MAP4K4: variants seen among roughly 807,000 people sequenced by gnomAD.
MAP4K4 encodes the protein HPK/GCK-like kinase HGK.
In MAP4K4, 38 loss-of-function variants were observed where a neutral mutation model predicts 189.6. That is an observed-to-expected ratio of 0.20 (90% CI 0.15 to 0.26). The LOEUF is 0.26. MAP4K4 is among the 10% of genes least tolerant of loss of function. The pLI is 1.00. For synonymous variants in MAP4K4, 610 were observed against 624.3 expected (o/e 0.98, Z 0.34); for missense variants, 1,054 against 1,726.9 (o/e 0.61, Z 6.91).
chr2:101,733,043 G>A (rs1361072756), intron 2 of MAP4K4, among the ~76,000 whole-genome samples: 4 of 152,272 alleles, frequency 2.6e-5, no homozygotes, highest in Non-Finnish European at 5.9e-5. Context: ...GTCCCAAGAA[G>A]CTTTTCAGGT....
At position 101,888,226 on chromosome 2, in the gene MAP4K4, A is replaced by G. The variant is rs138867132; in HGVS notation, c.3931+289A>G. ...AATATCGGACATGTTTTTGTTGACCACTTTGTAAAGGGAGACAGAGAATTG... is the reference window on the plus strand; with the variant it reads ...AATATCGGACATGTTTTTGTTGACCGCTTTGTAAAGGGAGACAGAGAATTG... On this transcript the variant is annotated intron_variant, in intron 31 of 32. Transcript: ENST00000324219. Among the ~76,000 whole-genome samples the G allele has an allele frequency of 5.8e-4, 88 of 152,294 alleles. No homozygotes were observed. In the Middle Eastern group the frequency reaches 0.01, roughly 18 times the overall value.
At chr2:101,801,757 A>C (rs1018546569) in intron 3 of MAP4K4, among the ~76,000 whole-genome samples, 1 of 152,102 alleles carries the variant, frequency 6.6e-6, no homozygotes, top group Non-Finnish European at 1.5e-5. Flanking sequence ...TGCTGCATTG[A>C]TGTATCACCT....
chr2:101,893,233 C>T (rs1295290054), exon 33 of MAP4K4: 7 of 456,306 alleles, frequency 1.5e-5, no homozygotes, highest in Non-Finnish European at 2.6e-5. Context: ...GACACAGCAG[C>T]TGGTGGTTTT....
At chr2:101,857,951 C>T (rs1043740672) in intron 13 of MAP4K4, among the ~76,000 whole-genome samples, 2 of 152,190 alleles carry the variant, frequency 1.3e-5, no homozygotes, top group Non-Finnish European at 2.9e-5. Flanking sequence ...AAAATGTCTC[C>T]TCGTAGTCCT....
At chr2:101,817,958 T>G (rs1444007898) in intron 3 of MAP4K4, among the ~76,000 whole-genome samples, 2 of 152,198 alleles carry the variant, frequency 1.3e-5, no homozygotes, top group African/African-American at 4.8e-5. Context: ...AGCCTTAATT[T>G]TGTTCTGGAA....
intron 2 of MAP4K4, among the ~76,000 whole-genome samples, chr2:101,704,490 G>A (rs1156907024): frequency 3.6e-5 from 5 of 139,054 alleles, no homozygotes; most frequent in African/African-American, 8.4e-5. Flanking sequence ...AACTCAACTC[G>A]TATTTTGCCT....
chr2:101,715,901 T>C (rs1451860137), intron 2 of MAP4K4, among the ~76,000 whole-genome samples: 1 of 152,168 alleles, frequency 6.6e-6, no homozygotes, highest in Non-Finnish European at 1.5e-5. Flanking sequence ...CCACCTCCTG[T>C]CAGATCAGTG....
exon 16 of MAP4K4, chr2:101,860,931 C>A: frequency 6.2e-7 from 1 of 1,606,070 alleles, no homozygotes; most frequent in Non-Finnish European, 8.5e-7. Context: ...GAGTCTTTTT[C>A]CAATGGCAAC....
intron 2 of MAP4K4, among the ~76,000 whole-genome samples, chr2:101,755,299 T>C (rs1024968655): frequency 6.6e-6 from 1 of 152,122 alleles, no homozygotes; most frequent in African/African-American, 2.4e-5. Context: ...TTGTCTGTTA[T>C]GCAGAGTCCG....
chr2:101,865,073 T>C (rs1157689917), intron 18 of MAP4K4, 37 bp downstream of exon 18: 1 of 1,280,344 alleles, frequency 7.8e-7, no homozygotes, highest in Non-Finnish European at 1.1e-6. Flanking sequence ...AGGCCTTCTG[T>C]GCAGTCTACC....
intron 18 of MAP4K4, among the ~76,000 whole-genome samples, chr2:101,865,914 C>T (rs969706389): frequency 1.3e-5 from 2 of 152,216 alleles, no homozygotes; most frequent in African/African-American, 2.4e-5. Context: ...TTACCTAGCA[C>T]ATGTGTGCTT....
intron 2 of MAP4K4, among the ~76,000 whole-genome samples, chr2:101,716,876 C>G (rs1020649640): frequency 6.6e-6 from 1 of 152,032 alleles, no homozygotes; most frequent in Non-Finnish European, 1.5e-5. Context: ...CTCCTTTCTT[C>G]CTTTTGTTGT....
chr2:101,819,005 TA>T (rs1424492416), intron 3 of MAP4K4, among the ~76,000 whole-genome samples: 1 of 152,232 alleles, frequency 6.6e-6, no homozygotes, highest in East Asian at 1.9e-4. Context: ...TGTGACCTGC[TA>T]AAGAAGGGCA....
chr2:101,853,141 C>T (rs2097339986), intron 12 of MAP4K4, among the ~76,000 whole-genome samples: 1 of 152,150 alleles, frequency 6.6e-6, no homozygotes, highest in African/African-American at 2.4e-5. Context: ...TACTCTGTTG[C>T]TAAGTAGTTG....
chr2:101,705,624 TTTTG>T (rs1313509711), intron 2 of MAP4K4, among the ~76,000 whole-genome samples: 1 of 152,174 alleles, frequency 6.6e-6, no homozygotes, highest in Non-Finnish European at 1.5e-5. Flanking sequence ...CTGTAAAAGT[TTTTG>T]TTTTTGTTTT....
chr2:101,723,885 T>G (rs533713900), intron 2 of MAP4K4, among the ~76,000 whole-genome samples: 59 of 152,272 alleles, frequency 3.9e-4, no homozygotes, highest in African/African-American at 1.4e-3. Flanking sequence ...CTTTGCCCTT[T>G]TCTCTTGCAG....
intron 2 of MAP4K4, among the ~76,000 whole-genome samples, chr2:101,762,451 G>A (rs142839301): frequency 2.0e-5 from 3 of 152,152 alleles, no homozygotes; most frequent in South Asian, 4.1e-4. Context: ...CACCAGAGGA[G>A]TTTTCAAAGG....
intron 12 of MAP4K4, among the ~76,000 whole-genome samples, chr2:101,854,109 G>A (rs769935470): frequency 6.6e-6 from 1 of 152,160 alleles, no homozygotes; most frequent in Non-Finnish European, 1.5e-5. Flanking sequence ...CGGGAAGTTT[G>A]TGGACAGAAA....
intron 12 of MAP4K4, among the ~76,000 whole-genome samples, chr2:101,845,529 G>A (rs1197689243): frequency 6.6e-6 from 1 of 152,152 alleles, no homozygotes; most frequent in East Asian, 1.9e-4. Context: ...ATGTGGTGTG[G>A]CCTCTTGCTT....
Sources: allele counts gnomAD v4.1 joint callset (sites outside exome capture counted in the v4.1 genomes callset), GRCh38; gene constraint gnomAD v4.1.1; transcripts MANE v1.5; gene names NCBI Gene and HGNC (gene_info 2026-07-23, HGNC 2026-07-21).